RPH3A: variants seen among roughly 807,000 people sequenced by gnomAD.
RPH3A encodes rabphilin-3A.
RPH3A carries 48 observed loss-of-function variants against 102.2 expected under a neutral mutation model. The ratio of observed to expected loss-of-function variants is 0.47; its 90% confidence interval spans 0.37 to 0.60. The LOEUF is 0.60. RPH3A is among the 20% of genes least tolerant of loss of function. The probability of loss-of-function intolerance (pLI) is 0.00; values close to 1 mark genes in which losing one functional copy is unlikely to be tolerated. For missense variants in RPH3A, 781 were observed against 910.1 expected, an observed-to-expected ratio of 0.86 and a Z score of 1.83; for synonymous variants, 310 against 324.3, an observed-to-expected ratio of 0.96 and a Z score of 0.47.
chr12:112,782,544 G>A (rs1399691896), intron 1 of RPH3A, among the ~76,000 whole-genome samples: 1 of 152,162 alleles, frequency 6.6e-6, no homozygotes, highest in East Asian at 1.9e-4. Context: ...GCATAAATCA[G>A]TCCTCAGCAT....
intron 1 of RPH3A, among the ~76,000 whole-genome samples, chr12:112,693,651 T>C (rs1035260298): frequency 2.0e-5 from 3 of 152,226 alleles, no homozygotes; most frequent in Non-Finnish European, 4.4e-5. Flanking sequence ...GCTCTCCCTC[T>C]GGATCTTTGT....
intron 1 of RPH3A, among the ~76,000 whole-genome samples, chr12:112,647,446 G>A (rs2039939848): frequency 6.6e-6 from 1 of 152,206 alleles, no homozygotes; most frequent in African/African-American, 2.4e-5. Flanking sequence ...TGATAGGTGT[G>A]TTATTCTTGA....
At chr12:112,682,355 C>CTT (rs35365778) in intron 1 of RPH3A, among the ~76,000 whole-genome samples, 22 of 116,534 alleles carry the variant, frequency 1.9e-4, no homozygotes, top group Admixed American at 1.2e-3. Context: ...TTCTTTCTTT[C>CTT]TTTTTTTTTT....
At chr12:112,875,495 G>A (rs1482938800) in intron 11 of RPH3A, among the ~76,000 whole-genome samples, 184 bp from the exon 12 acceptor site, 2 of 152,152 alleles carry the variant, frequency 1.3e-5, no homozygotes, top group African/African-American at 4.8e-5. Flanking sequence ...CACAGCACTA[G>A]GGCTTGGATC....
intron 1 of RPH3A, among the ~76,000 whole-genome samples, chr12:112,640,406 G>C (rs2039880675): frequency 7.8e-6 from 1 of 128,094 alleles, no homozygotes; most frequent in Admixed American, 9.3e-5. Flanking sequence ...CTTAACCACT[G>C]TACTACACAG....
At chr12:112,826,504 A>T (rs939458156) in intron 2 of RPH3A, among the ~76,000 whole-genome samples, 2 of 152,174 alleles carry the variant, frequency 1.3e-5, no homozygotes, top group Non-Finnish European at 2.9e-5. Flanking sequence ...GCCTTTGCAG[A>T]TGTATATACC....
intron 1 of RPH3A, among the ~76,000 whole-genome samples, chr12:112,731,440 C>T (rs965331459): frequency 3.3e-5 from 5 of 152,156 alleles, no homozygotes; most frequent in African/African-American, 1.2e-4. Flanking sequence ...GCTTTTGAGC[C>T]TCAATAAATG....
At chr12:112,870,500 G>T (rs1292814803) in intron 10 of RPH3A, among the ~76,000 whole-genome samples, 1 of 152,024 alleles carries the variant, frequency 6.6e-6, no homozygotes, top group Non-Finnish European at 1.5e-5. Context: ...CACATTTCTG[G>T]CCTCACTCTT....
chr12:112,631,340 C>G (rs969959705), intron 1 of RPH3A, among the ~76,000 whole-genome samples: 3 of 152,102 alleles, frequency 2.0e-5, no homozygotes, highest in African/African-American at 7.2e-5. Flanking sequence ...AAATCCTCAT[C>G]GGCAATTTCT....
chr12:112,803,980 G>A (rs1044748663), intron 2 of RPH3A, among the ~76,000 whole-genome samples: 1 of 152,196 alleles, frequency 6.6e-6, no homozygotes, highest in African/African-American at 2.4e-5. Context: ...TACAATATGA[G>A]GCACCCAGAC....
At chr12:112,864,166 A>G (rs1352698947) in intron 5 of RPH3A, among the ~76,000 whole-genome samples, 1 of 152,194 alleles carries the variant, frequency 6.6e-6, no homozygotes, top group East Asian at 1.9e-4. Context: ...GAATGAGGAC[A>G]CTCAGGCCAG....
chr12:112,821,398 A>T (rs866607158), intron 2 of RPH3A, among the ~76,000 whole-genome samples: 1 of 152,096 alleles, frequency 6.6e-6, no homozygotes, highest in Non-Finnish European at 1.5e-5. Flanking sequence ...GGTCTTCATG[A>T]TCTGACACCC....
At chr12:112,794,312 G>T (rs983232461) in intron 2 of RPH3A, among the ~76,000 whole-genome samples, 1 of 152,218 alleles carries the variant, frequency 6.6e-6, no homozygotes, top group Admixed American at 6.5e-5. Flanking sequence ...CTGACTATGA[G>T]ATAGGTATGT....
chr12:112,628,671 A>T (rs185145504), intron 1 of RPH3A, among the ~76,000 whole-genome samples: 16 of 142,412 alleles, frequency 1.1e-4, no homozygotes, highest in African/African-American at 3.4e-4. Flanking sequence ...AGGATCCTTG[A>T]GTCCAGGAGT....
At chr12:112,877,403 TAC>T (rs1288637172) in intron 13 of RPH3A, among the ~76,000 whole-genome samples, 15 of 140,720 alleles carry the variant, frequency 1.1e-4, no homozygotes, top group African/African-American at 2.7e-4. Flanking sequence ...CACACACGTA[TAC>T]ACACACACAC....
At chr12:112,791,710 C>G (rs1217253184), upstream of RPH3A, 1 of 148,608 alleles carries the variant, frequency 6.7e-6, no homozygotes, top group East Asian at 2.0e-4. Flanking sequence ...GCTTGGTTCC[C>G]CCTGCACTGG....
chr12:112,873,791 G>A (rs1419611035), intron 10 of RPH3A: 3 of 152,238 alleles, frequency 2.0e-5, no homozygotes, highest in Non-Finnish European at 4.4e-5. Context: ...TGGTGCATTT[G>A]AAGAACTCAA....
At chr12:112,711,167 C>A (rs941906952) in intron 1 of RPH3A, among the ~76,000 whole-genome samples, 3 of 152,140 alleles carry the variant, frequency 2.0e-5, no homozygotes, top group Non-Finnish European at 2.9e-5. Flanking sequence ...ACTCAAGGTG[C>A]TTATTAAATA....
chr12:112,850,179 C>T (rs2042300242), intron 5 of RPH3A, among the ~76,000 whole-genome samples: 1 of 152,204 alleles, frequency 6.6e-6, no homozygotes, highest in Non-Finnish European at 1.5e-5. Flanking sequence ...CTTTACCTCC[C>T]TGTGCCTCAG....
Sources: gnomAD v4.1 joint callset for allele counts (sites outside exome capture counted in the v4.1 genomes callset) on GRCh38, gnomAD v4.1.1 for gene constraint, MANE v1.5 for transcripts, NCBI Gene and HGNC (gene_info 2026-07-23, HGNC 2026-07-21) for gene names.